CTNNA2: variants seen among roughly 807,000 people sequenced by gnomAD.
CTNNA2 encodes the protein catenin alpha 2.
In CTNNA2, 42 loss-of-function variants were observed where a neutral mutation model predicts 101.0. That is an observed-to-expected ratio of 0.42 (90% CI 0.32 to 0.54). The LOEUF (loss-of-function observed/expected upper bound fraction) is 0.54. Among genes scored for constraint, CTNNA2 ranks in the 20% least tolerant of loss-of-function variants. The probability of loss-of-function intolerance (pLI) is 0.14; values close to 1 mark genes in which losing one functional copy is unlikely to be tolerated. For missense variants in CTNNA2, 871 were observed against 1,223.1 expected (o/e 0.71, Z 4.29); for synonymous variants, 450 against 456.4 (o/e 0.99, Z 0.18).
At chr2:80,146,336 G>A (rs1339085855) in intron 7 of CTNNA2, among the ~76,000 whole-genome samples, 1 of 152,030 alleles carries the variant, frequency 6.6e-6, no homozygotes, top group Non-Finnish European at 1.5e-5. Flanking sequence ...GTTGTTTCTT[G>A]GATTGTTACT....
intron 3 of CTNNA2, among the ~76,000 whole-genome samples, chr2:79,840,657 G>T (rs2103838859): frequency 6.6e-6 from 1 of 152,176 alleles, no homozygotes; most frequent in Non-Finnish European, 1.5e-5. Context: ...CTTCTTGGCT[G>T]GGTACAGTAG....
intron 1 of CTNNA2, among the ~76,000 whole-genome samples, chr2:79,612,071 G>C (rs1678313366): frequency 1.3e-5 from 2 of 152,126 alleles, no homozygotes; most frequent in South Asian, 4.1e-4. Context: ...TTTATGCTCA[G>C]CACGTTTTCC....
chr2:80,372,524 A>C (rs1442796636), intron 7 of CTNNA2, among the ~76,000 whole-genome samples: 1 of 152,056 alleles, frequency 6.6e-6, no homozygotes, highest in African/African-American at 2.4e-5. Context: ...TGGCCCTTGA[A>C]CATGTTCATT....
intron 7 of CTNNA2, among the ~76,000 whole-genome samples, chr2:80,377,197 G>A (rs1436377097): frequency 6.6e-6 from 1 of 152,144 alleles, no homozygotes; most frequent in African/African-American, 2.4e-5. Flanking sequence ...GCAAGTCTTG[G>A]TAAATCCAGA....
At chr2:80,134,287 A>T (rs1702570060) in intron 7 of CTNNA2, among the ~76,000 whole-genome samples, 1 of 152,132 alleles carries the variant, frequency 6.6e-6, no homozygotes, top group African/African-American at 2.4e-5. Flanking sequence ...AAGGGAGCAA[A>T]TAAGAGTAAG....
At chr2:79,289,159 A>G (rs928611407) in intron 2 of CTNNA2, among the ~76,000 whole-genome samples, 6 of 152,084 alleles carry the variant, frequency 3.9e-5, no homozygotes, top group African/African-American at 1.4e-4. Context: ...ATTTGTCATT[A>G]TTGTCTTTGT....
intron 1 of CTNNA2, among the ~76,000 whole-genome samples, chr2:79,533,108 G>A (rs888131743): frequency 6.6e-6 from 1 of 151,798 alleles, no homozygotes; most frequent in Non-Finnish European, 1.5e-5. Context: ...GCTCCTTGAT[G>A]AATTTGTATC....
Position 79,526,983 on chromosome 2 carries a change from A to G in CTNNA2, c.-6+13776A>G, listed in dbSNP as rs556248351. Among the ~76,000 whole-genome samples, 14 of 152,288 alleles carry G rather than the reference A, an allele frequency of 9.2e-5. No individual in the cohort carries two copies. The South Asian group carries it at 1.4e-3, about 16-fold the overall frequency. ...TAGATATGACACCCAAAGCTCAAGCAATAGAAGAAAAATAATGTAAATTTG... is the reference window on the plus strand; with the variant it reads ...TAGATATGACACCCAAAGCTCAAGCGATAGAAGAAAAATAATGTAAATTTG... On this transcript the variant is annotated intron_variant, in intron 1 of 18. Coordinates refer to ENST00000402739, the MANE Select transcript of CTNNA2 (RefSeq NM_001282597.3).
chr2:79,899,049 A>G (rs1268526160), intron 6 of CTNNA2, among the ~76,000 whole-genome samples: 1 of 152,162 alleles, frequency 6.6e-6, no homozygotes, highest in African/African-American at 2.4e-5. Flanking sequence ...AGCATAGGGG[A>G]GGCTTAACTT....
At chr2:79,873,466 A>G (rs1053443274) in intron 5 of CTNNA2, among the ~76,000 whole-genome samples, 2 of 152,220 alleles carry the variant, frequency 1.3e-5, no homozygotes, top group East Asian at 3.9e-4. Flanking sequence ...AGTGTTAGTG[A>G]TAGGAGAGGA....
intron 1 of CTNNA2, among the ~76,000 whole-genome samples, chr2:79,616,298 C>A (rs775427158): frequency 1.3e-5 from 2 of 151,908 alleles, no homozygotes; most frequent in African/African-American, 4.8e-5. Flanking sequence ...CCTTCCAATC[C>A]TAAAATCATT....
chr2:80,622,508 C>T (rs571750470), intron 18 of CTNNA2, among the ~76,000 whole-genome samples: 1 of 151,998 alleles, frequency 6.6e-6, no homozygotes, highest in Admixed American at 6.6e-5. Context: ...GCAAGAATAA[C>T]ATCAGTTTCT....
chr2:80,598,885 T>C (rs1697222882), intron 15 of CTNNA2, among the ~76,000 whole-genome samples: 2 of 152,222 alleles, frequency 1.3e-5, no homozygotes, highest in Admixed American at 1.3e-4. Flanking sequence ...GGTTAAATGG[T>C]ATAAACAGTA....
intron 1 of CTNNA2, among the ~76,000 whole-genome samples, chr2:79,636,653 A>T (rs1036093746): frequency 6.6e-6 from 1 of 152,168 alleles, no homozygotes; most frequent in Non-Finnish European, 1.5e-5. Flanking sequence ...TGTGATCATT[A>T]TGTAACTAGA....
intron 7 of CTNNA2, among the ~76,000 whole-genome samples, chr2:80,186,788 C>T (rs1706158600): frequency 6.6e-6 from 1 of 152,118 alleles, no homozygotes; most frequent in Non-Finnish European, 1.5e-5. Flanking sequence ...ATTTTTGTCT[C>T]TCTGCACATC....
At chr2:79,257,786 A>G (rs915301102) in intron 2 of CTNNA2, among the ~76,000 whole-genome samples, 1 of 148,512 alleles carries the variant, frequency 6.7e-6, no homozygotes, top group Non-Finnish European at 1.5e-5. Flanking sequence ...GCTGCCAAGC[A>G]CCAAAACTGG....
intron 2 of CTNNA2, among the ~76,000 whole-genome samples, chr2:79,254,349 T>C (rs948063225): frequency 6.6e-6 from 1 of 152,144 alleles, no homozygotes; most frequent in African/African-American, 2.4e-5. Flanking sequence ...GGGAAGAGAT[T>C]GGGCCATGGG....
intron 1 of CTNNA2, among the ~76,000 whole-genome samples, chr2:79,532,948 G>C (rs764145122): frequency 6.6e-6 from 1 of 151,964 alleles, no homozygotes; most frequent in African/African-American, 2.4e-5. Context: ...ACATTATCAT[G>C]CTCCTCTAAG....
At chr2:79,792,276 G>A (rs1412609447) in intron 3 of CTNNA2, among the ~76,000 whole-genome samples, 1 of 152,144 alleles carries the variant, frequency 6.6e-6, no homozygotes, top group African/African-American at 2.4e-5. Context: ...TGTTTGCATA[G>A]TAAACAGCCT....
Sources: gnomAD v4.1 joint callset for allele counts (sites outside exome capture counted in the v4.1 genomes callset) on GRCh38, gnomAD v4.1.1 for gene constraint, MANE v1.5 for transcripts, NCBI Gene and HGNC (gene_info 2026-07-23, HGNC 2026-07-21) for gene names.